ZNF536: variants seen among roughly 807,000 people sequenced by gnomAD.
ZNF536 encodes zinc finger protein 536.
In ZNF536, 13 loss-of-function variants were observed where a neutral mutation model predicts 84.5. The observed-to-expected ratio is 0.15, with a 90% CI of 0.10 to 0.24. ZNF536 has a LOEUF of 0.24. Ranked by LOEUF, ZNF536 falls within the 10% of genes least tolerant of loss-of-function variation. The pLI is 1.00. For missense variants in ZNF536, 1,536 were observed against 1,747.5 expected (o/e 0.88, Z 2.16); for synonymous variants, 811 against 742.5 (o/e 1.09, Z -1.50).
chr19:30,375,561 G>C (rs534198668), intron 1 of ZNF536, among the ~76,000 whole-genome samples: 2 of 152,332 alleles, frequency 1.3e-5, no homozygotes, highest in Admixed American at 1.3e-4. Flanking sequence ...AGTGCGCTGC[G>C]GCCCGGGGTG....
intron 1 of ZNF536, among the ~76,000 whole-genome samples, chr19:30,689,683 C>A (rs7249879): frequency 0.019 from 2,910 of 152,296 alleles, 83 homozygotes; most frequent in African/African-American, 0.066. Context: ...CCAGGACCAT[C>A]TGGGGGCAAA....
chr19:30,488,719 G>A lies in ZNF536; in HGVS notation c.2170+42987G>A, dbSNP rs1017467808. Among the ~76,000 whole-genome samples the A allele has an allele frequency of 5.9e-5, 9 of 152,270 alleles. No homozygotes were observed. The South Asian group carries it at 1.9e-3, about 32-fold the overall frequency. ...TGAGGGGTCAGCTGGAGGAATCTGT[G>A]CCGAAGAGAGTTCTGGGTTGCAAAT... On this transcript the variant is annotated intron_variant, in intron 2 of 4. Transcript: ENST00000355537.
rs80064633 is a variant in ZNF536, at chr19:30,492,868, C to T, written c.2171-41979C>T. On this transcript the variant is annotated intron_variant, in intron 2 of 4. Transcript: ENST00000355537. Reference sequence around the variant, plus strand: ...CTATCAGGACCAGGTTCACAGACCACAGACGCCCTGAGCTTGAATTTCAAA... The same window carrying T: ...CTATCAGGACCAGGTTCACAGACCATAGACGCCCTGAGCTTGAATTTCAAA... 2.9e-3 allele frequency among the ~76,000 whole-genome samples: 441 copies of T among 152,326 alleles called. 1 individual carries two copies. Among genetic ancestry groups the T allele is most frequent in the African/African-American group, 9.9e-3 (410 of 41,574 alleles).
At chr19:30,680,057 T>C (rs567953678) in intron 1 of ZNF536, among the ~76,000 whole-genome samples, 4 of 152,032 alleles carry the variant, frequency 2.6e-5, no homozygotes, top group South Asian at 4.2e-4. Context: ...TTGGGGTGTG[T>C]GCTGTGCCCA....
At chr19:30,604,717 A>C (rs1424321546) in intron 1 of ZNF536, among the ~76,000 whole-genome samples, 1 of 152,208 alleles carries the variant, frequency 6.6e-6, no homozygotes, top group Non-Finnish European at 1.5e-5. Flanking sequence ...TTGGGAAATG[A>C]TTTAAAAGCA....
intron 2 of ZNF536, among the ~76,000 whole-genome samples, chr19:30,521,614 C>G (rs980917838): frequency 1.3e-5 from 2 of 152,122 alleles, no homozygotes; most frequent in African/African-American, 4.8e-5. Flanking sequence ...TTATTCACCC[C>G]ATTTGGGGTG....
At chr19:30,596,942 G>A (rs193265870) in intron 1 of ZNF536, among the ~76,000 whole-genome samples, 131 of 152,192 alleles carry the variant, frequency 8.6e-4, no homozygotes, top group East Asian at 3.9e-4. Flanking sequence ...GACCTTTTCG[G>A]GGAGCCCATC....
At chr19:30,685,472 C>G (rs1228602675) in intron 1 of ZNF536, among the ~76,000 whole-genome samples, 1 of 152,034 alleles carries the variant, frequency 6.6e-6, no homozygotes, top group Non-Finnish European at 1.5e-5. Context: ...TCTGGTATCC[C>G]CATCCAGCTT....
chr19:30,298,485 G>A (rs144261910), intron 2 of ZNF536, among the ~76,000 whole-genome samples: 138 of 152,326 alleles, frequency 9.1e-4, no homozygotes, highest in African/African-American at 3.1e-3. Flanking sequence ...TGCTGGTAGC[G>A]TTGGGGTCAG....
intron 1 of ZNF536, among the ~76,000 whole-genome samples, chr19:30,418,115 T>A (rs940755241): frequency 1.4e-4 from 21 of 151,678 alleles, no homozygotes; most frequent in African/African-American, 4.1e-4. Context: ...TTTTTTTTTT[T>A]AATCAGAAAC....
chr19:30,353,204 C>T (rs962955211), intron 3 of ZNF536, among the ~76,000 whole-genome samples: 2 of 152,010 alleles, frequency 1.3e-5, no homozygotes, highest in African/African-American at 2.4e-5. Context: ...TGCCGGGTTC[C>T]GGTATTAAGA....
intron 2 of ZNF536, among the ~76,000 whole-genome samples, chr19:30,303,590 C>T (rs1037369379): frequency 1.6e-4 from 24 of 152,158 alleles, no homozygotes; most frequent in Non-Finnish European, 2.2e-4. Context: ...GCAACCTCCG[C>T]CTCCCAGGTT....
chr19:30,654,052 T>TAG (rs762527102), intron 1 of ZNF536, among the ~76,000 whole-genome samples: 2 of 152,186 alleles, frequency 1.3e-5, no homozygotes, highest in Admixed American at 6.5e-5. Flanking sequence ...AGCAAGCCAC[T>TAG]AGAGAGGGTG....
chr19:30,306,301 A>G (rs1200816868), intron 2 of ZNF536, among the ~76,000 whole-genome samples: 2 of 151,082 alleles, frequency 1.3e-5, no homozygotes, highest in African/African-American at 4.9e-5. Flanking sequence ...AATTCCCAGG[A>G]CTCAGTAAGG....
intron 2 of ZNF536, among the ~76,000 whole-genome samples, chr19:30,485,701 TG>T (rs1447034001): frequency 7.7e-6 from 1 of 130,254 alleles, no homozygotes; most frequent in African/African-American, 3.8e-5. Flanking sequence ...GGCGGTGGGG[TG>T]GGGGGAAACA....
chr19:30,713,278 C>G (rs2052507922), exon 2 of ZNF536: 1 of 152,170 alleles, frequency 6.6e-6, no homozygotes, highest in Non-Finnish European at 1.5e-5. Flanking sequence ...GTTCTCATAT[C>G]TAAACATGTC....
intron 2 of ZNF536, among the ~76,000 whole-genome samples, chr19:30,518,995 C>A (rs1157385833): frequency 1.3e-5 from 2 of 152,218 alleles, no homozygotes; most frequent in Non-Finnish European, 2.9e-5. Flanking sequence ...TGCAGAGCAT[C>A]CGTGTGGCGG....
chr19:30,398,734 A>C (rs2049924924), intron 1 of ZNF536, among the ~76,000 whole-genome samples: 1 of 152,146 alleles, frequency 6.6e-6, no homozygotes, highest in Non-Finnish European at 1.5e-5. Context: ...TGTCCCTGCA[A>C]AGGACATGAA....
chr19:30,273,773 G>A (rs748539580), intron 1 of ZNF536, among the ~76,000 whole-genome samples: 19 of 152,100 alleles, frequency 1.2e-4, no homozygotes, highest in African/African-American at 2.7e-4. Flanking sequence ...TTATGTGGCC[G>A]AGCAGCATCG....
Sources: gnomAD v4.1 joint callset for allele counts (sites outside exome capture counted in the v4.1 genomes callset) on GRCh38, gnomAD v4.1.1 for gene constraint, MANE v1.5 for transcripts, NCBI Gene and HGNC (gene_info 2026-07-23, HGNC 2026-07-21) for gene names.